The following ACTR3C variants were observed in gnomAD, a reference collection of about 807,000 sequenced individuals.
ACTR3C encodes the protein actin-related protein 3C.
ACTR3C carries 18 observed loss-of-function variants against 26.3 expected under a neutral mutation model. That is an observed-to-expected ratio of 0.68 (90% CI 0.47 to 1.01). The LOEUF (loss-of-function observed/expected upper bound fraction) is 1.01. Among genes scored for constraint, ACTR3C ranks in the 50% least tolerant of loss-of-function variants. The probability of loss-of-function intolerance (pLI) is 0.00; values close to 1 mark genes in which losing one functional copy is unlikely to be tolerated. For missense variants in ACTR3C, 184 were observed against 250.7 expected, an observed-to-expected ratio of 0.73 and a Z score of 1.80; for synonymous variants, 55 against 94.5, an observed-to-expected ratio of 0.58 and a Z score of 2.42.
chr7:150,214,706 C>T, the ACTR3C span, among the ~76,000 whole-genome samples: 1 of 151,998 alleles, frequency 6.6e-6, no homozygotes, highest in Non-Finnish European at 1.5e-5. Flanking sequence ...GATCTTTGCA[C>T]CCACTACGGT....
the ACTR3C span, among the ~76,000 whole-genome samples, chr7:150,049,178 C>T: frequency 0.12 from 17,744 of 151,460 alleles, 634 homozygotes; most frequent in South Asian, 0.2. Context: ...GGCTCCGCTC[C>T]TCCGCTCCAG....
the ACTR3C span, among the ~76,000 whole-genome samples, chr7:150,065,601 T>G: frequency 6.6e-6 from 1 of 151,980 alleles, no homozygotes; most frequent in African/African-American, 2.4e-5. Flanking sequence ...AGGCTGAAAA[T>G]GTGAGTGCAT....
At chr7:149,924,483 T>C in the ACTR3C span, among the ~76,000 whole-genome samples, 2 of 151,998 alleles carry the variant, frequency 1.3e-5, no homozygotes, top group Non-Finnish European at 2.9e-5. Flanking sequence ...AGGAATAAAA[T>C]AATAATGCCC....
chr7:150,127,133 C>T, the ACTR3C span, among the ~76,000 whole-genome samples: 1 of 142,018 alleles, frequency 7.0e-6, no homozygotes, highest in African/African-American at 2.7e-5. Context: ...AAACATCCTA[C>T]CATTAGACAC....
chr7:150,051,845 CA>C, the ACTR3C span, among the ~76,000 whole-genome samples: 2 of 151,988 alleles, frequency 1.3e-5, no homozygotes, highest in Non-Finnish European at 2.9e-5. Context: ...GGTCTACCTG[CA>C]AGCTAAGCAT....
At chr7:150,106,843 G>A in the ACTR3C span, among the ~76,000 whole-genome samples, 6 of 146,326 alleles carry the variant, frequency 4.1e-5, 1 homozygote, top group African/African-American at 1.6e-4. Context: ...GACAGGAGAT[G>A]TACTGGGTGG....
At chr7:150,127,266 G>T in the ACTR3C span, among the ~76,000 whole-genome samples, 1 of 131,540 alleles carries the variant, frequency 7.6e-6, no homozygotes, top group Non-Finnish European at 1.6e-5. Context: ...CCCAGGACTA[G>T]AGATGGATTC....
the ACTR3C span, among the ~76,000 whole-genome samples, chr7:150,089,086 A>G: frequency 6.6e-6 from 1 of 152,192 alleles, no homozygotes; most frequent in Non-Finnish European, 1.5e-5. Context: ...CTTGGATGTT[A>G]TGTTCTTAGT....
At chr7:150,058,077 C>T in the ACTR3C span, among the ~76,000 whole-genome samples, 1 of 152,090 alleles carries the variant, frequency 6.6e-6, no homozygotes. Flanking sequence ...CTTATCATTT[C>T]CCTTCATTGT....
chr7:150,109,010 C>T, the ACTR3C span, among the ~76,000 whole-genome samples: 8 of 151,934 alleles, frequency 5.3e-5, no homozygotes, highest in Non-Finnish European at 8.8e-5. Flanking sequence ...AGGATGGCTG[C>T]GTGCTCCAAA....
chr7:150,038,803 G>A, the ACTR3C span, among the ~76,000 whole-genome samples: 138 of 138,918 alleles, frequency 9.9e-4, 5 homozygotes, highest in East Asian at 1.5e-3. Context: ...CCTCGCGGGG[G>A]GTGCCTCCCC....
the ACTR3C span, among the ~76,000 whole-genome samples, chr7:150,023,815 G>C: frequency 6.9e-6 from 1 of 144,230 alleles, no homozygotes; most frequent in East Asian, 2.1e-4. Context: ...AGTCTTCTGG[G>C]CTGGTGGGCA....
At chr7:150,237,702 G>A in the ACTR3C span, among the ~76,000 whole-genome samples, 1 of 152,168 alleles carries the variant, frequency 6.6e-6, no homozygotes, top group Admixed American at 6.5e-5. Flanking sequence ...AGCCAATAAC[G>A]GGAGTATGGC....
the ACTR3C span, among the ~76,000 whole-genome samples, chr7:149,888,264 G>A: frequency 2.0e-5 from 3 of 152,158 alleles, no homozygotes; most frequent in Non-Finnish European, 4.4e-5. Context: ...CAAATAGTAA[G>A]CATCTTTTAT....
chr7:149,898,166 A>G, the ACTR3C span, among the ~76,000 whole-genome samples: 41 of 146,712 alleles, frequency 2.8e-4, no homozygotes, highest in Non-Finnish European at 5.1e-4. Context: ...TGGGCTGAAC[A>G]TGGGCTAGAA....
chr7:150,068,919 G>A, the ACTR3C span, among the ~76,000 whole-genome samples: 3 of 152,000 alleles, frequency 2.0e-5, no homozygotes, highest in Non-Finnish European at 4.4e-5. Context: ...AGAAATGCTA[G>A]ATTCTCCAAA....
the ACTR3C span, among the ~76,000 whole-genome samples, chr7:149,928,409 A>G: frequency 2.2e-5 from 3 of 135,164 alleles, no homozygotes; most frequent in Non-Finnish European, 4.7e-5. Context: ...TTTAGTAGAG[A>G]CGGGGTTTCA....
chr7:150,199,048 G>A, the ACTR3C span, among the ~76,000 whole-genome samples: 7 of 146,220 alleles, frequency 4.8e-5, no homozygotes, highest in East Asian at 2.0e-4. Flanking sequence ...CTGCCCGGCC[G>A]CCCCTACTGG....
the ACTR3C span, among the ~76,000 whole-genome samples, chr7:150,155,221 C>T: frequency 3.4e-5 from 5 of 149,230 alleles, no homozygotes; most frequent in South Asian, 2.2e-4. Context: ...TGTGTGGATC[C>T]GGGCTGTGCA....
Sources: gnomAD v4.1 joint callset for allele counts (sites outside exome capture counted in the v4.1 genomes callset) on GRCh38, gnomAD v4.1.1 for gene constraint, MANE v1.5 for transcripts, NCBI Gene and HGNC (gene_info 2026-07-23, HGNC 2026-07-21) for gene names.